The following FARP1 variants were observed in gnomAD, a reference collection of about 807,000 sequenced individuals.
FARP1 encodes the protein FERM, ARH/RhoGEF and pleckstrin domain protein 1, also known as FERM, ARHGEF and pleckstrin domain-containing protein 1.
In FARP1, 52 loss-of-function variants were observed where a neutral mutation model predicts 128.8. The ratio of observed to expected loss-of-function variants is 0.40; its 90% CI spans 0.32 to 0.51. The LOEUF is 0.51. Ranked by LOEUF, FARP1 falls within the 20% of genes least tolerant of loss-of-function variation. The probability of loss-of-function intolerance (pLI) is 0.45; values close to 1 mark genes in which losing one functional copy is unlikely to be tolerated. For synonymous variants in FARP1, 580 were observed against 551.8 expected (o/e 1.05, Z -0.72); for missense variants, 1,333 against 1,367.9 (o/e 0.97, Z 0.40).
At chr13:98,413,491 C>G (rs1472535131) in intron 16 of FARP1, among the ~76,000 whole-genome samples, 2 of 152,072 alleles carry the variant, frequency 1.3e-5, no homozygotes, top group East Asian at 1.9e-4. Flanking sequence ...AAGACCCCAT[C>G]TCAACAAAAA....
intron 1 of FARP1, among the ~76,000 whole-genome samples, chr13:98,173,906 C>G (rs1877817572): frequency 6.6e-6 from 1 of 152,210 alleles, no homozygotes; most frequent in Non-Finnish European, 1.5e-5. Flanking sequence ...CTGTCCTCAT[C>G]CCTGTTCTGA....
intron 13 of FARP1, chr13:98,399,804 T>G (rs1890690720): frequency 6.6e-6 from 1 of 152,236 alleles, no homozygotes; most frequent in Non-Finnish European, 1.5e-5. Context: ...TATCTTTTGT[T>G]GGATATTATT....
chr13:98,417,796 T>C (rs544273138), intron 16 of FARP1, among the ~76,000 whole-genome samples: 39 of 152,342 alleles, frequency 2.6e-4, no homozygotes, highest in African/African-American at 6.7e-4. Flanking sequence ...AAAATTGTTT[T>C]GCTGCCCAGA....
At chr13:98,395,954 A>G (rs1594486285) in intron 13 of FARP1, 4 of 399,370 alleles carry the variant, frequency 1.0e-5, no homozygotes, top group South Asian at 1.3e-4. Flanking sequence ...GGACATGACC[A>G]TAGAGAGGGG....
At chr13:98,330,922 G>A (rs1356515986) in intron 2 of FARP1, among the ~76,000 whole-genome samples, 1 of 152,176 alleles carries the variant, frequency 6.6e-6, no homozygotes, top group Non-Finnish European at 1.5e-5. Flanking sequence ...TGGGGCCAGA[G>A]GACATGAGTG....
At chr13:98,312,949 A>G (rs1385025270) in intron 2 of FARP1, among the ~76,000 whole-genome samples, 1 of 152,034 alleles carries the variant, frequency 6.6e-6, no homozygotes, top group African/African-American at 2.4e-5. Flanking sequence ...TTCATGGGCT[A>G]CTCCAGAAGT....
chr13:98,208,315 GA>G (rs547241664), intron 1 of FARP1, among the ~76,000 whole-genome samples: 2,840 of 129,534 alleles, frequency 0.022, 63 homozygotes, highest in African/African-American at 0.05. Flanking sequence ...CTACTGGGGA[GA>G]AAAAAAAAAA....
At position 98,442,854 on chromosome 13, in the gene FARP1, C is replaced by T. The variant is rs573003561; in HGVS notation, c.2796+2018C>T. Reference sequence around the variant, plus strand: ...CCGTCTTGGCCTTGCTTCGTCCTGACCTCAGCAATGTGTGAATTACGACTC... The same window carrying T: ...CCGTCTTGGCCTTGCTTCGTCCTGATCTCAGCAATGTGTGAATTACGACTC... On this transcript the variant is annotated intron_variant, in intron 24 of 26. Coordinates refer to ENST00000319562, the MANE Select transcript of FARP1 (RefSeq NM_005766.4). 3.9e-5 allele frequency among the ~76,000 whole-genome samples: 6 copies of T among 152,370 alleles called. No individual in the cohort carries two copies. The East Asian group carries it at 1.2e-3, about 29-fold the overall frequency.
At chr13:98,153,382 TATA>T (rs1334595055) in intron 1 of FARP1, among the ~76,000 whole-genome samples, 8 of 117,654 alleles carry the variant, frequency 6.8e-5, no homozygotes, top group Non-Finnish European at 9.0e-5. Context: ...TATATAAATA[TATA>T]ATAAATAATA....
intron 25 of FARP1, chr13:98,446,422 G>C: frequency 1.7e-6 from 1 of 602,132 alleles, no homozygotes; most frequent in Non-Finnish European, 2.9e-6. Context: ...CCCTAGGAAG[G>C]GCCACCTGTC....
chr13:98,375,770 AG>A (rs1889554500), intron 5 of FARP1, among the ~76,000 whole-genome samples: 3 of 152,110 alleles, frequency 2.0e-5, no homozygotes, highest in Admixed American at 2.0e-4. Flanking sequence ...CTGGGATTAC[AG>A]GGGCGCATCA....
chr13:98,288,505 T>G (rs1302219511), intron 2 of FARP1, among the ~76,000 whole-genome samples: 1 of 152,210 alleles, frequency 6.6e-6, no homozygotes, highest in African/African-American at 2.4e-5. Flanking sequence ...ATTCATGATA[T>G]TTCTCCTTGG....
chr13:98,401,053 C>T (rs76745396), intron 13 of FARP1: 76 of 152,258 alleles, frequency 5.0e-4, no homozygotes, highest in African/African-American at 1.7e-3. Context: ...AAAAATAATC[C>T]GTTGCTACCA....
At chr13:98,221,105 C>G (rs1183147052) in intron 2 of FARP1, among the ~76,000 whole-genome samples, 1 of 152,182 alleles carries the variant, frequency 6.6e-6, no homozygotes, top group Non-Finnish European at 1.5e-5. Context: ...GCTGCCCATT[C>G]TCATCTCTAC....
chr13:98,446,337 C>T (rs1237809121), intron 25 of FARP1, 132 bp downstream of exon 25: 13 of 641,376 alleles, frequency 2.0e-5, no homozygotes, highest in East Asian at 1.3e-4. Context: ...GGGATGCTGG[C>T]GGGGGGCCCT....
chr13:98,171,521 C>T (rs1877651312), intron 1 of FARP1, among the ~76,000 whole-genome samples: 1 of 152,156 alleles, frequency 6.6e-6, no homozygotes, highest in Non-Finnish European at 1.5e-5. Context: ...GTTCCTGCTG[C>T]TATAGTCCTC....
At chr13:98,371,834 G>C (rs1374464644) in intron 5 of FARP1, among the ~76,000 whole-genome samples, 1 of 152,152 alleles carries the variant, frequency 6.6e-6, no homozygotes, top group African/African-American at 2.4e-5. Flanking sequence ...AGTGACTCTA[G>C]CTCTGTAGTT....
chr13:98,188,859 C>T (rs551162917), intron 1 of FARP1, among the ~76,000 whole-genome samples: 1 of 152,300 alleles, frequency 6.6e-6, no homozygotes, highest in East Asian at 1.9e-4. Context: ...CCGTATGGGC[C>T]CAGGCTCCTT....
chr13:98,440,469 C>T (rs1031625171), intron 23 of FARP1, among the ~76,000 whole-genome samples: 1 of 152,144 alleles, frequency 6.6e-6, no homozygotes, highest in Non-Finnish European at 1.5e-5. Context: ...AGGGAGAGAA[C>T]ATCAGGCTGT....
Sources: allele counts gnomAD v4.1 joint callset (sites outside exome capture counted in the v4.1 genomes callset), GRCh38; gene constraint gnomAD v4.1.1; transcripts MANE v1.5; gene names NCBI Gene and HGNC (gene_info 2026-07-23, HGNC 2026-07-21).